Variants in MLIP observed in about 807,000 individuals in gnomAD.
The protein encoded by MLIP is muscular LMNA interacting protein.
Under a neutral mutation model 84.8 loss-of-function variants are expected in MLIP, and 79 were observed. The observed-to-expected ratio is 0.93, with a 90% CI of 0.78 to 1.12. MLIP has a LOEUF of 1.12. Ranked by LOEUF, MLIP falls within the 50% of genes most tolerant of loss-of-function variation. The probability of loss-of-function intolerance (pLI) is 0.00; values close to 1 mark genes in which losing one functional copy is unlikely to be tolerated. For missense variants in MLIP, 1,257 were observed against 1,160.6 expected (o/e 1.08, Z -1.21); for synonymous variants, 504 against 463.0 (o/e 1.09, Z -1.14).
intron 1 of MLIP, among the ~76,000 whole-genome samples, chr6:54,039,846 A>C (rs1434288391): frequency 1.3e-5 from 2 of 151,970 alleles, no homozygotes; most frequent in Non-Finnish European, 2.9e-5. Context: ...CCACGCTAAA[A>C]TGTTAAACAT....
intron 13 of MLIP, among the ~76,000 whole-genome samples, chr6:54,258,175 A>G (rs1311459232): frequency 6.6e-6 from 1 of 152,074 alleles, no homozygotes; most frequent in African/African-American, 2.4e-5. Flanking sequence ...ACCCTCACAA[A>G]AGAAGTATGC....
intron 3 of MLIP, among the ~76,000 whole-genome samples, chr6:54,128,924 T>C (rs1008408536): frequency 1.6e-4 from 25 of 151,960 alleles, no homozygotes; most frequent in Admixed American, 1.6e-3. Context: ...GATGGCAGCA[T>C]TGTTTTTTTT....
chr6:54,125,549 C>T (rs138044682), intron 3 of MLIP, among the ~76,000 whole-genome samples: 47 of 152,220 alleles, frequency 3.1e-4, no homozygotes, highest in African/African-American at 1.1e-3. Context: ...AGAAAGGATG[C>T]GGACAAGGAG....
chr6:54,027,185 C>T (rs899851268), intron 1 of MLIP, among the ~76,000 whole-genome samples: 3 of 152,010 alleles, frequency 2.0e-5, no homozygotes, highest in African/African-American at 7.2e-5. Flanking sequence ...GCATAGTTTT[C>T]TATGTTTTCA....
intron 1 of MLIP, among the ~76,000 whole-genome samples, chr6:54,085,871 C>T (rs1767452678): frequency 6.6e-6 from 1 of 152,158 alleles, no homozygotes; most frequent in Non-Finnish European, 1.5e-5. Flanking sequence ...TCTCATCAGG[C>T]TATGAAGTTC....
At chr6:54,178,517 G>A (rs988759145) in intron 9 of MLIP, among the ~76,000 whole-genome samples, 1 of 151,980 alleles carries the variant, frequency 6.6e-6, no homozygotes, top group Non-Finnish European at 1.5e-5. Context: ...TTCAAAGTTT[G>A]TTTTTTATGT....
chr6:54,108,327 TTG>T (rs1769171221), upstream of MLIP, among the ~76,000 whole-genome samples: 3 of 152,154 alleles, frequency 2.0e-5, no homozygotes, highest in African/African-American at 4.8e-5. Flanking sequence ...TATAGAAAAG[TTG>T]TTGTAATTAG....
At chr6:54,216,795 G>A (rs1005962363) in intron 11 of MLIP, 41 of 985,056 alleles carry the variant, frequency 4.2e-5, no homozygotes, top group East Asian at 1.1e-4. Flanking sequence ...CCATATAATC[G>A]AAACCAATTT....
chr6:54,260,856 G>A (rs904785272), intron 13 of MLIP, among the ~76,000 whole-genome samples: 1 of 151,882 alleles, frequency 6.6e-6, no homozygotes, highest in African/African-American at 2.4e-5. Flanking sequence ...ATAGCATTTG[G>A]TGCAAGCCGA....
chr6:54,051,962 T>C (rs1765399861), intron 1 of MLIP, among the ~76,000 whole-genome samples: 2 of 152,192 alleles, frequency 1.3e-5, no homozygotes, highest in African/African-American at 2.4e-5. Context: ...CAAGGGTATA[T>C]GGACTTCAGG....
intron 9 of MLIP, among the ~76,000 whole-genome samples, chr6:54,188,914 C>A (rs987304094): frequency 2.6e-5 from 4 of 152,004 alleles, no homozygotes; most frequent in African/African-American, 9.7e-5. Context: ...ACATTTATGC[C>A]AACAACAACA....
chr6:54,166,029 C>T (rs944438188), intron 8 of MLIP, among the ~76,000 whole-genome samples: 1 of 152,000 alleles, frequency 6.6e-6, no homozygotes, highest in South Asian at 2.1e-4. Flanking sequence ...CTCCCAGCCT[C>T]CAGAACTGTG....
intron 1 of MLIP, among the ~76,000 whole-genome samples, chr6:54,027,247 T>G (rs1295840808): frequency 6.6e-6 from 1 of 152,108 alleles, no homozygotes; most frequent in Non-Finnish European, 1.5e-5. Flanking sequence ...TATTGTGAAA[T>G]AGATGAAAAA....
chr6:54,024,920 C>G (rs540068432), intron 1 of MLIP, among the ~76,000 whole-genome samples: 1 of 151,998 alleles, frequency 6.6e-6, no homozygotes, highest in African/African-American at 2.4e-5. Flanking sequence ...TCACTGCAAC[C>G]TCTGCCTCCC....
At chr6:54,154,667 T>A (rs559797029) in intron 5 of MLIP, among the ~76,000 whole-genome samples, 199 of 152,316 alleles carry the variant, frequency 1.3e-3, no homozygotes, top group African/African-American at 4.8e-3. Flanking sequence ...GAGTAAGGGA[T>A]GCTCATATGG....
intron 1 of MLIP, among the ~76,000 whole-genome samples, chr6:54,084,125 G>A (rs1416853173): frequency 2.0e-5 from 3 of 152,118 alleles, no homozygotes; most frequent in African/African-American, 7.2e-5. Context: ...AGAAGCCACA[G>A]TTCTACTTTT....
intron 13 of MLIP, among the ~76,000 whole-genome samples, chr6:54,261,022 C>A (rs1783349356): frequency 6.6e-6 from 1 of 151,968 alleles, no homozygotes. Flanking sequence ...AGAATACTTT[C>A]ATAGATTTTT....
At chr6:54,172,172 T>C (rs1775835747) in intron 9 of MLIP, among the ~76,000 whole-genome samples, 1 of 151,732 alleles carries the variant, frequency 6.6e-6, no homozygotes, top group Non-Finnish European at 1.5e-5. Flanking sequence ...TTTAAAAGTA[T>C]AATGTATCTG....
At chr6:54,204,879 C>G (rs1268121091) in intron 11 of MLIP, among the ~76,000 whole-genome samples, 1 of 152,124 alleles carries the variant, frequency 6.6e-6, no homozygotes, top group Middle Eastern at 3.2e-3. Context: ...CCAATTTATC[C>G]TCATTTGTAT....
Sources: gnomAD v4.1 joint callset for allele counts (sites outside exome capture counted in the v4.1 genomes callset) on GRCh38, gnomAD v4.1.1 for gene constraint, MANE v1.5 for transcripts, NCBI Gene and HGNC (gene_info 2026-07-23, HGNC 2026-07-21) for gene names.